Variants in ULK4 observed in about 807,000 individuals in gnomAD.
ULK4 encodes unc-51 like kinase 4, also known as inactive serine/threonine-protein kinase ULK4.
A neutral mutation model predicts 160.6 loss-of-function variants in ULK4; 133 were observed. The ratio of observed to expected loss-of-function variants is 0.83; its 90% CI spans 0.72 to 0.96. The LOEUF (loss-of-function observed/expected upper bound fraction) is 0.96, where lower values mean the gene tolerates loss of function less well. ULK4 is among the 40% of genes least tolerant of loss of function. ULK4 has a pLI of 0.00. For synonymous variants in ULK4, 534 were observed against 539.8 expected, an observed-to-expected ratio of 0.99 and a Z score of 0.15; for missense variants, 1,580 against 1,499.5, an observed-to-expected ratio of 1.05 and a Z score of -0.89.
chr3:41,571,966 G>A (rs1267007930), intron 31 of ULK4, among the ~76,000 whole-genome samples: 1 of 152,134 alleles, frequency 6.6e-6, no homozygotes, highest in African/African-American at 2.4e-5. Flanking sequence ...GCCCGAGCTG[G>A]GGCAAGACAG....
chr3:41,521,591 A>G (rs1320919564), intron 32 of ULK4, among the ~76,000 whole-genome samples: 1 of 152,192 alleles, frequency 6.6e-6, no homozygotes, highest in African/African-American at 2.4e-5. Context: ...GAACTCATGT[A>G]AAACAGGTGA....
intron 32 of ULK4, among the ~76,000 whole-genome samples, chr3:41,521,104 C>A (rs1299828598): frequency 6.6e-6 from 1 of 152,150 alleles, no homozygotes; most frequent in Non-Finnish European, 1.5e-5. Flanking sequence ...ATGGAAGAAG[C>A]CAGATACCAC....
intron 27 of ULK4, among the ~76,000 whole-genome samples, chr3:41,691,942 TC>T (rs1413213555): frequency 5.0e-5 from 7 of 141,332 alleles, no homozygotes; most frequent in African/African-American, 1.6e-4. Context: ...TCAAATCACT[TC>T]TTTTTTTTTT....
intron 34 of ULK4, among the ~76,000 whole-genome samples, chr3:41,424,646 G>A (rs1198868060): frequency 2.6e-5 from 4 of 152,106 alleles, no homozygotes; most frequent in Non-Finnish European, 4.4e-5. Context: ...AATAGGGTCT[G>A]GAGTGGACAC....
intron 18 of ULK4, among the ~76,000 whole-genome samples, chr3:41,824,853 G>A (rs537435932): frequency 3.9e-5 from 6 of 152,130 alleles, no homozygotes; most frequent in South Asian, 2.1e-4. Flanking sequence ...ATCTGAGAAC[G>A]GACAGACTGC....
intron 30 of ULK4, among the ~76,000 whole-genome samples, chr3:41,650,340 A>C (rs1014347877): frequency 6.6e-6 from 1 of 152,164 alleles, no homozygotes; most frequent in Non-Finnish European, 1.5e-5. Context: ...CAAGAAGGAG[A>C]GAAGAGCTGC....
At chr3:41,465,140 G>T (rs1386199329) in intron 32 of ULK4, among the ~76,000 whole-genome samples, 1 of 152,182 alleles carries the variant, frequency 6.6e-6, no homozygotes, top group East Asian at 1.9e-4. Context: ...ATGATTTTAA[G>T]AAGCTGATCT....
chr3:41,797,042 C>T (rs1300967113), intron 20 of ULK4, among the ~76,000 whole-genome samples: 1 of 152,112 alleles, frequency 6.6e-6, no homozygotes, highest in Non-Finnish European at 1.5e-5. Context: ...CACATTACAA[C>T]CCACTGAATA....
intron 21 of ULK4, among the ~76,000 whole-genome samples, chr3:41,786,882 G>C (rs2040012741): frequency 6.6e-6 from 1 of 152,060 alleles, no homozygotes; most frequent in Non-Finnish European, 1.5e-5. Flanking sequence ...CTTGAAACCT[G>C]AGGATCAACA....
chr3:41,794,762 C>T (rs2125597859), intron 20 of ULK4, among the ~76,000 whole-genome samples: 1 of 149,074 alleles, frequency 6.7e-6, no homozygotes, highest in East Asian at 2.0e-4. Context: ...GGCGAGAGAG[C>T]AGAGTCAGGG....
intron 34 of ULK4, among the ~76,000 whole-genome samples, chr3:41,440,992 T>C (rs1202034232): frequency 6.6e-6 from 1 of 152,084 alleles, no homozygotes; most frequent in African/African-American, 2.4e-5. Context: ...TGTCTCTCCA[T>C]ATTCTTCTCT....
intron 20 of ULK4, among the ~76,000 whole-genome samples, chr3:41,792,461 C>G (rs1172925891): frequency 6.6e-6 from 1 of 151,942 alleles, no homozygotes; most frequent in Non-Finnish European, 1.5e-5. Flanking sequence ...CAGAATTTTT[C>G]TAGCAAATTA....
At chr3:41,846,742 T>C (rs1470572866) in intron 17 of ULK4, among the ~76,000 whole-genome samples, 3 of 149,038 alleles carry the variant, frequency 2.0e-5, no homozygotes, top group Non-Finnish European at 3.0e-5. Context: ...GAGGGAGAGG[T>C]TGCAGCAAGC....
At chr3:41,383,980 T>C (rs974460214) in intron 35 of ULK4, among the ~76,000 whole-genome samples, 3 of 152,218 alleles carry the variant, frequency 2.0e-5, no homozygotes, top group African/African-American at 4.8e-5. Context: ...TTATAGTTTT[T>C]ACCCTTTACT....
chr3:41,847,452 G>A (rs192038172), intron 17 of ULK4, among the ~76,000 whole-genome samples: 16 of 152,290 alleles, frequency 1.1e-4, no homozygotes, highest in Admixed American at 5.2e-4. Flanking sequence ...TATGGTCAGT[G>A]TTTTACTAGA....
intron 18 of ULK4, among the ~76,000 whole-genome samples, chr3:41,821,607 A>G (rs188289134): frequency 7.9e-5 from 12 of 152,200 alleles, no homozygotes; most frequent in Non-Finnish European, 1.0e-4. Flanking sequence ...TAGCTAATGG[A>G]CTATCCCTTA....
intron 29 of ULK4, among the ~76,000 whole-genome samples, chr3:41,671,962 G>A (rs955514221): frequency 2.0e-5 from 3 of 151,998 alleles, no homozygotes; most frequent in Non-Finnish European, 2.9e-5. Flanking sequence ...AATGGCCAAC[G>A]GGTACATGAA....
At chr3:41,837,715 C>G (rs2041800240) in intron 17 of ULK4, among the ~76,000 whole-genome samples, 1 of 152,084 alleles carries the variant, frequency 6.6e-6, no homozygotes, top group South Asian at 2.1e-4. Context: ...TACACACCAC[C>G]ATGGCCAGCT....
At chr3:41,655,126 T>C (rs933341689) in intron 30 of ULK4, among the ~76,000 whole-genome samples, 5 of 151,654 alleles carry the variant, frequency 3.3e-5, no homozygotes, top group South Asian at 2.1e-4. Context: ...CTGGGCAACA[T>C]AGTAAGATGC....
Sources: gnomAD v4.1 joint callset for allele counts (sites outside exome capture counted in the v4.1 genomes callset) on GRCh38, gnomAD v4.1.1 for gene constraint, MANE v1.5 for transcripts, NCBI Gene and HGNC (gene_info 2026-07-23, HGNC 2026-07-21) for gene names.